TDRD9: variants seen among roughly 807,000 people sequenced by gnomAD.
TDRD9 encodes the protein ATP-dependent RNA helicase TDRD9.
TDRD9 carries 124 observed loss-of-function variants against 172.6 expected under a neutral mutation model. The observed-to-expected ratio is 0.72, with a 90% CI of 0.62 to 0.83. TDRD9 has a LOEUF of 0.83. TDRD9 is among the 40% of genes least tolerant of loss of function. The probability of loss-of-function intolerance (pLI) is 0.00; values close to 1 mark genes in which losing one functional copy is unlikely to be tolerated. For missense variants in TDRD9, 1,479 were observed against 1,714.1 expected, an observed-to-expected ratio of 0.86 and a Z score of 2.42; for synonymous variants, 619 against 617.1, an observed-to-expected ratio of 1.00 and a Z score of -0.05.
At chr14:104,003,881 T>C (rs531049339) in intron 13 of TDRD9, among the ~76,000 whole-genome samples, 80 of 152,314 alleles carry the variant, frequency 5.3e-4, no homozygotes, top group African/African-American at 1.9e-3. Context: ...CTTTCTGTTA[T>C]GTACTGTGCA....
At chr14:104,040,151 T>C (rs1259257900) in intron 32 of TDRD9, 45 bp from the exon 33 acceptor site, 34 of 1,373,796 alleles carry the variant, frequency 2.5e-5, no homozygotes, top group Non-Finnish European at 3.1e-5. Flanking sequence ...ACATATACTT[T>C]AACAATTCTG....
chr14:103,940,646 G>A (rs2031164834), intron 1 of TDRD9: 3 of 570,144 alleles, frequency 5.3e-6, no homozygotes, highest in Non-Finnish European at 6.2e-6. Context: ...AACATAGCAT[G>A]TTTAGAGTGG....
chr14:104,019,500 C>T (rs561685953), intron 23 of TDRD9, among the ~76,000 whole-genome samples: 3 of 152,206 alleles, frequency 2.0e-5, no homozygotes, highest in Non-Finnish European at 4.4e-5. Context: ...TTTTGCATTC[C>T]TCATATTTCC....
At chr14:104,012,416 A>T (rs759521813) in intron 20 of TDRD9, among the ~76,000 whole-genome samples, 10 of 151,386 alleles carry the variant, frequency 6.6e-5, no homozygotes, top group Non-Finnish European at 1.3e-4. Context: ...CCTTTGTGTT[A>T]TTGTATTTTC....
chr14:103,955,862 C>A (rs370562636), intron 2 of TDRD9, 92 bp downstream of exon 2: 11 of 1,102,534 alleles, frequency 1.0e-5, no homozygotes, highest in South Asian at 1.5e-5. Flanking sequence ...GTAATTCCAG[C>A]TACTCAGGAG....
chr14:104,042,299 T>C, intron 34 of TDRD9, 112 bp downstream of exon 34: 2 of 739,450 alleles, frequency 2.7e-6, no homozygotes, highest in Non-Finnish European at 4.6e-6. Context: ...TCACCTGAAG[T>C]GGAGTGCCAG....
At chr14:104,001,453 T>C (rs991329495) in intron 13 of TDRD9, among the ~76,000 whole-genome samples, 2 of 152,226 alleles carry the variant, frequency 1.3e-5, no homozygotes, top group Non-Finnish European at 2.9e-5. Flanking sequence ...AACATTTACC[T>C]GTTTAAGGAC....
rs778662340 is a variant in TDRD9, at chr14:104,016,054, A to T, written c.2297A>T (p.Glu766Val). The T allele has an allele frequency of 1.9e-6, 3 of 1,604,300 alleles. No homozygotes were observed. The African/African-American group carries it at 4.0e-5, about 21-fold the overall frequency. The change falls in exon 22 of 36, where the codon GAG (glutamate) becomes GTG (valine). Residue 766 changes from glutamate (E) to valine (V), a missense_variant. Transcript: ENST00000409874. Reference sequence around the variant, plus strand: ...CCGGATGAGGAGATGGCGGTGAGGGAGCTGGCTGGCAAGGACCCCAAGACA... The same window carrying T: ...CCGGATGAGGAGATGGCGGTGAGGGTGCTGGCTGGCAAGGACCCCAAGACA... ...GQPDEEMAVR[E>V]LAGKDPKTTV...
At chr14:103,974,768 G>C (rs1057120905) in intron 6 of TDRD9, among the ~76,000 whole-genome samples, 2 of 152,058 alleles carry the variant, frequency 1.3e-5, no homozygotes, top group African/African-American at 4.8e-5. Context: ...AGCCTCTTGA[G>C]TAGCTGGGAC....
chr14:103,941,430 A>T (rs1001085720), intron 1 of TDRD9: 2 of 1,535,300 alleles, frequency 1.3e-6, no homozygotes, highest in East Asian at 2.4e-5. Context: ...GCAAGGTTGA[A>T]CTTGTGAGCA....
chr14:103,999,039 C>G (rs979231046), intron 13 of TDRD9, among the ~76,000 whole-genome samples: 4 of 152,154 alleles, frequency 2.6e-5, no homozygotes, highest in African/African-American at 9.6e-5. Context: ...GTGATCCACC[C>G]GCTTCAGCCT....
At chr14:103,952,190 G>GTGTATATATATATATA (rs1366094210) in intron 1 of TDRD9, among the ~76,000 whole-genome samples, 4 of 55,532 alleles carry the variant, frequency 7.2e-5, no homozygotes, top group Admixed American at 3.5e-4. Context: ...GCGTGTGTGT[G>GTGTATATATATATATA]TATATATATA....
At chr14:104,019,632 G>C (rs74089113) in intron 23 of TDRD9, among the ~76,000 whole-genome samples, 62,207 of 152,052 alleles carry the variant, frequency 0.41, 12,943 homozygotes, top group African/African-American at 0.46. Flanking sequence ...TACAGTGATT[G>C]AAAGAATAAG....
chr14:103,968,535 C>G (rs1210741278), intron 5 of TDRD9, among the ~76,000 whole-genome samples: 4 of 150,924 alleles, frequency 2.7e-5, no homozygotes, highest in African/African-American at 9.7e-5. Flanking sequence ...ACCTGTAATC[C>G]CAGCACTTTG....
intron 22 of TDRD9, among the ~76,000 whole-genome samples, chr14:104,016,510 CT>C (rs1272835524): frequency 1.3e-5 from 2 of 152,180 alleles, no homozygotes; most frequent in Non-Finnish European, 2.9e-5. Flanking sequence ...ACAGAACTAC[CT>C]GGAGAGTGCT....
chr14:104,020,955 G>A (rs1288903957), intron 23 of TDRD9, among the ~76,000 whole-genome samples: 4 of 152,062 alleles, frequency 2.6e-5, no homozygotes, highest in Admixed American at 2.6e-4. Flanking sequence ...ATGGGCTGGG[G>A]CAAGAGAGGG....
At chr14:104,000,167 A>T (rs961485771) in intron 13 of TDRD9, among the ~76,000 whole-genome samples, 10 of 151,986 alleles carry the variant, frequency 6.6e-5, no homozygotes, top group African/African-American at 2.2e-4. Flanking sequence ...TCTCTACCAA[A>T]AACACAAAAA....
In TDRD9 at chr14:104,022,215, T is replaced by C; in HGVS notation, c.2491T>C (p.Tyr831His). The change falls in exon 24 of 36, where the codon TAT becomes CAT. Residue 831 changes from tyrosine to histidine, a missense_variant. Around this residue, in one of 3 missense-constraint regions of TDRD9, gnomAD observed 1,413 missense variants for 1,649.1 expected, o/e 0.86. Coordinates refer to ENST00000409874, the MANE Select transcript of TDRD9 (RefSeq NM_153046.3). Reference protein sequence around the residue: ...TERFKTLPAVYMAIKMSQLKV... With the variant: ...TERFKTLPAVHMAIKMSQLKV... Reference sequence around the variant, plus strand: ...GAGATTTAAAACCCTTCCTGCAGTATATATGGCAATTAAGATGTCTCAACT... The same window carrying C: ...GAGATTTAAAACCCTTCCTGCAGTACATATGGCAATTAAGATGTCTCAACT... The C allele has an allele frequency of 6.3e-7, 1 of 1,593,506 alleles. No homozygotes were observed. The highest frequency in any genetic ancestry group is 8.5e-7 in the Non-Finnish European group (1 of 1,169,690).
At chr14:103,940,816 G>A (rs2031177349) in intron 1 of TDRD9, 44 of 1,533,820 alleles carry the variant, frequency 2.9e-5, no homozygotes, top group Non-Finnish European at 3.7e-5. Flanking sequence ...TTAACTAGAT[G>A]GGTGATAATA....
Sources: gnomAD v4.1 joint callset for allele counts (sites outside exome capture counted in the v4.1 genomes callset) on GRCh38, gnomAD v4.1.1 for gene constraint, gnomAD v4.1.1 regional missense constraint, MANE v1.5 for transcripts, NCBI Gene and HGNC (gene_info 2026-07-23, HGNC 2026-07-21) for gene names.